Variants in SGCD observed in about 807,000 individuals in gnomAD.
The protein encoded by SGCD is sarcoglycan delta, also known as delta-sarcoglycan.
Under a neutral mutation model 36.6 loss-of-function variants are expected in SGCD, and 18 were observed. The ratio of observed to expected loss-of-function variants is 0.49; its 90% confidence interval spans 0.34 to 0.73. The LOEUF (loss-of-function observed/expected upper bound fraction) is 0.73. SGCD is among the 30% of genes least tolerant of loss of function. The probability of loss-of-function intolerance (pLI) is 0.01; values close to 1 mark genes in which losing one functional copy is unlikely to be tolerated. For missense variants in SGCD, 387 were observed against 346.7 expected, an observed-to-expected ratio of 1.12 and a Z score of -0.92; for synonymous variants, 133 against 130.6, an observed-to-expected ratio of 1.02 and a Z score of -0.12.
intron 6 of SGCD, among the ~76,000 whole-genome samples, chr5:156,633,652 G>A (rs981950469): frequency 6.6e-6 from 1 of 152,176 alleles, no homozygotes; most frequent in African/African-American, 2.4e-5. Flanking sequence ...CTGGCAAATA[G>A]TAAGCACTCA....
chr5:156,630,761 A>G (rs1445477707), intron 6 of SGCD, among the ~76,000 whole-genome samples: 1 of 152,226 alleles, frequency 6.6e-6, no homozygotes, highest in Non-Finnish European at 1.5e-5. Context: ...GCATGGACCC[A>G]TGAAACAGTG....
intron 1 of SGCD, among the ~76,000 whole-genome samples, chr5:156,073,407 A>G (rs1216901194): frequency 6.6e-6 from 1 of 152,090 alleles, no homozygotes. Context: ...AAATTGGCCA[A>G]AAAAAGTTAG....
chr5:156,356,388 C>T (rs1286767118), intron 3 of SGCD, among the ~76,000 whole-genome samples: 5 of 152,242 alleles, frequency 3.3e-5, no homozygotes, highest in East Asian at 1.9e-4. Flanking sequence ...CTGGCCAGAA[C>T]GCCTACACAC....
At position 156,294,918 on chromosome 5, in the gene SGCD, A is replaced by G. The variant is rs73811588; in HGVS notation, c.-43-34616A>G. Among the ~76,000 whole-genome samples the G allele has an allele frequency of 6.3e-3, 955 of 152,314 alleles. 7 individuals carry two copies. Among genetic ancestry groups the G allele is most frequent in the African/African-American group, 0.022 (909 of 41,560 alleles). ...GTTGATAATTTTTGCATTAATATTC[A>G]TAAGGAAGAATTATCTGTAGTTTTA... On this transcript the variant is annotated intron_variant, in intron 3 of 9. Coordinates refer to the SGCD transcript ENST00000517913.
chr5:156,641,382 T>C (rs1158181684), intron 6 of SGCD, among the ~76,000 whole-genome samples: 1 of 152,212 alleles, frequency 6.6e-6, no homozygotes, highest in East Asian at 1.9e-4. Context: ...GGGAGCTACA[T>C]GAAGATACCT....
chr5:156,607,250 C>G (rs1761511147), intron 6 of SGCD, among the ~76,000 whole-genome samples: 1 of 152,178 alleles, frequency 6.6e-6, no homozygotes. Flanking sequence ...GAGTTTTTAG[C>G]ATGAAGCATT....
intron 1 of SGCD, among the ~76,000 whole-genome samples, chr5:156,084,874 A>T (rs1231742099): frequency 1.3e-5 from 2 of 152,174 alleles, no homozygotes; most frequent in African/African-American, 4.8e-5. Flanking sequence ...CTCTATCCTA[A>T]CTTGCTGTGA....
the SGCD span, among the ~76,000 whole-genome samples, chr5:155,734,794 CTGCTGCAAT>C: frequency 1.3e-5 from 2 of 152,200 alleles, no homozygotes; most frequent in Non-Finnish European, 2.9e-5. Context: ...GATCCATCCC[CTGCTGCAAT>C]TGCTTGGCTG....
chr5:156,442,337 C>T (rs1018818828), intron 3 of SGCD, among the ~76,000 whole-genome samples: 2 of 152,140 alleles, frequency 1.3e-5, no homozygotes, highest in Non-Finnish European at 2.9e-5. Flanking sequence ...GGCTATGAGA[C>T]GAAATTGGTT....
intron 2 of SGCD, among the ~76,000 whole-genome samples, chr5:156,343,374 A>T (rs1224902283): frequency 6.6e-6 from 1 of 152,220 alleles, no homozygotes; most frequent in South Asian, 2.1e-4. Context: ...CTGTTATCAC[A>T]TGGCTTATGA....
chr5:156,185,833 G>GTATATATATATATATATATATATA (rs1327303412), intron 3 of SGCD, among the ~76,000 whole-genome samples: 1 of 20,780 alleles, frequency 4.8e-5, no homozygotes, highest in African/African-American at 1.6e-4. Flanking sequence ...ATGTGTGTGT[G>GTATATATATATATATATATATATA]TATATATATA....
At chr5:156,642,015 G>C (rs1763044448) in intron 6 of SGCD, among the ~76,000 whole-genome samples, 1 of 152,088 alleles carries the variant, frequency 6.6e-6, no homozygotes, top group Non-Finnish European at 1.5e-5. Flanking sequence ...CTGGAGGCTG[G>C]GGAGTCTGAG....
At chr5:156,495,518 G>A (rs1756144247) in intron 3 of SGCD, among the ~76,000 whole-genome samples, 1 of 152,154 alleles carries the variant, frequency 6.6e-6, no homozygotes, top group African/African-American at 2.4e-5. Context: ...ATAGAAGACA[G>A]GAGAGGTGGC....
At chr5:155,730,829 C>T in the SGCD span, among the ~76,000 whole-genome samples, 1 of 152,182 alleles carries the variant, frequency 6.6e-6, no homozygotes, top group African/African-American at 2.4e-5. Flanking sequence ...TGCATCCTTC[C>T]AGCCCCAATT....
At chr5:156,601,224 A>T (rs1378295400) in intron 6 of SGCD, among the ~76,000 whole-genome samples, 1 of 152,168 alleles carries the variant, frequency 6.6e-6, no homozygotes, top group Non-Finnish European at 1.5e-5. Context: ...GCCCAATATC[A>T]TGAAGTATTT....
chr5:156,056,659 A>AAAAAAAAAAACAAAAAAC (rs1330447322), intron 1 of SGCD, among the ~76,000 whole-genome samples: 2 of 141,886 alleles, frequency 1.4e-5, no homozygotes, highest in Admixed American at 7.1e-5. Context: ...AAAAAAAAAA[A>AAAAAAAAAAACAAAAAAC]AAAAAACAGT....
At chr5:156,600,380 C>T (rs929453278) in intron 6 of SGCD, among the ~76,000 whole-genome samples, 1 of 152,076 alleles carries the variant, frequency 6.6e-6, no homozygotes, top group African/African-American at 2.4e-5. Context: ...ATGAAATCAA[C>T]TTTTTTAAAA....
rs752828581 is a variant in SGCD, at chr5:156,595,021, G to A, written c.472G>A (p.Val158Ile). The change falls in exon 6 of 9, where the codon GTA (valine) becomes ATA (isoleucine). Residue 158 changes from valine to isoleucine, a missense_variant. By Grantham distance (29) the Val-to-Ile change is conservative (BLOSUM62 3). Coordinates refer to ENST00000337851, the MANE Select transcript of SGCD (RefSeq NM_000337.6). ...CTTCTCTGCAGACAATAATGAAGTG[G>A]TAGTAGGAGCTGAAAGATTACGAGT... ...LLFSADNNEV[V>I]VGAERLRVLG... 2 of 1,611,946 alleles carry A rather than the reference G, an allele frequency of 1.2e-6. No homozygotes were observed. The highest frequency in any genetic ancestry group is 1.3e-5 in the African/African-American group (1 of 74,976).
chr5:156,017,479 A>G (rs542524612), intron 1 of SGCD, among the ~76,000 whole-genome samples: 1 of 151,772 alleles, frequency 6.6e-6, no homozygotes, highest in African/African-American at 2.4e-5. Context: ...TTTTTTTTAC[A>G]TTTATTCAAG....
Sources: allele counts gnomAD v4.1 joint callset (sites outside exome capture counted in the v4.1 genomes callset), GRCh38; gene constraint gnomAD v4.1.1; transcripts MANE v1.5; gene names NCBI Gene and HGNC (gene_info 2026-07-23, HGNC 2026-07-21).